The following SEMA4B variants were observed in gnomAD, a reference collection of about 807,000 sequenced individuals.
SEMA4B encodes the protein semaphorin-4B.
In SEMA4B, 55 loss-of-function variants were observed where a neutral mutation model predicts 88.1. The observed-to-expected ratio is 0.62, with a 90% CI of 0.50 to 0.78. The LOEUF (loss-of-function observed/expected upper bound fraction) is 0.78, where lower values mean the gene tolerates loss of function less well. Ranked by LOEUF, SEMA4B falls within the 30% of genes least tolerant of loss-of-function variation. SEMA4B has a pLI of 0.00. For missense variants in SEMA4B, 1,062 were observed against 1,111.9 expected, an observed-to-expected ratio of 0.96 and a Z score of 0.64; for synonymous variants, 525 against 473.6, an observed-to-expected ratio of 1.11 and a Z score of -1.41.
At chr15:90,216,634 A>C (rs1011194880) in intron 1 of SEMA4B, among the ~76,000 whole-genome samples, 1 of 152,186 alleles carries the variant, frequency 6.6e-6, no homozygotes, top group Admixed American at 6.5e-5. Flanking sequence ...ACTTGAGTTC[A>C]GGAGTTTGAG....
At chr15:90,193,545 T>G (rs1960409674) in intron 1 of SEMA4B, 1 of 152,204 alleles carries the variant, frequency 6.6e-6, no homozygotes, top group East Asian at 1.9e-4. Flanking sequence ...ATTGGAAGCA[T>G]TTGAGCAGGA....
chr15:90,215,547 C>A (rs554752506), intron 1 of SEMA4B, among the ~76,000 whole-genome samples: 1 of 152,220 alleles, frequency 6.6e-6, no homozygotes, highest in Non-Finnish European at 1.5e-5. Flanking sequence ...CGCAGTGGCC[C>A]ACACCTGTAA....
chr15:90,225,072 C>G lies in SEMA4B; in HGVS notation c.1299C>G (p.Val433=). 1 of 1,613,884 alleles carries G rather than the reference C, an allele frequency of 6.2e-7. No homozygotes were observed. Among genetic ancestry groups the G allele is most frequent in the East Asian group, 2.2e-5 (1 of 44,886 alleles). ...LKDHFLMDGQ[V]RSRMLLLQPQ... is the part of the protein sequence containing the mutation. Reference sequence around the variant, plus strand: ...ACCACTTCCTGATGGACGGGCAGGTCCGAAGCCGCATGCTGCTGCTGCAGC... The same window carrying G: ...ACCACTTCCTGATGGACGGGCAGGTGCGAAGCCGCATGCTGCTGCTGCAGC... Residue 433 remains valine, a synonymous_variant, in exon 10 of 14, where the codon GTC becomes GTG. Coordinates refer to ENST00000411539, the MANE Select transcript of SEMA4B (RefSeq NM_198925.4).
intron 1 of SEMA4B, among the ~76,000 whole-genome samples, chr15:90,215,817 A>C (rs906479557): frequency 2.0e-5 from 3 of 152,206 alleles, no homozygotes; most frequent in African/African-American, 7.2e-5. Flanking sequence ...GTCTCAAAAA[A>C]TAAATAAAAT....
chr15:90,218,671 C>G (rs1596148002), intron 3 of SEMA4B, among the ~76,000 whole-genome samples: 1 of 152,068 alleles, frequency 6.6e-6, no homozygotes, highest in Admixed American at 6.5e-5. Flanking sequence ...AAAACATTAG[C>G]CAGGCATGGT....
chr15:90,224,064 G>C (rs1962016846), intron 9 of SEMA4B, 76 bp downstream of exon 9: 2 of 1,435,380 alleles, frequency 1.4e-6, no homozygotes, highest in South Asian at 2.5e-5. Context: ...GAGCAAGGCT[G>C]CCTAGCCTCG....
At chr15:90,185,422 C>T (rs894039583) in intron 1 of SEMA4B, among the ~76,000 whole-genome samples, 1 of 152,220 alleles carries the variant, frequency 6.6e-6, no homozygotes, top group Non-Finnish European at 1.5e-5. Context: ...TGGGCCCCTG[C>T]GGAATGGTCG....
chr15:90,216,357 C>T (rs958329692), intron 1 of SEMA4B, among the ~76,000 whole-genome samples: 3 of 152,194 alleles, frequency 2.0e-5, no homozygotes, highest in African/African-American at 7.2e-5. Context: ...CATCTCCCTT[C>T]CATTCCTCCC....
At chr15:90,218,807 CTG>C (rs1372835466) in intron 3 of SEMA4B, among the ~76,000 whole-genome samples, 1 of 152,174 alleles carries the variant, frequency 6.6e-6, no homozygotes, top group Non-Finnish European at 1.5e-5. Flanking sequence ...CAGAATGAGA[CTG>C]TGTTTCAAAA....
chr15:90,228,160 CG>C lies in SEMA4B; in HGVS notation c.2035del (p.Val679TrpfsTer20). ...GCTACTGCCCAGAGGTGGTGGAGGA[CG>C]GGGTGGCAGACCAAACAGATGAGGG... ...ASYCPEVVED[G>X]VADQTDEGGS... is the part of the protein sequence containing the mutation. On this transcript the variant is annotated frameshift_variant, in exon 14 of 14. Coordinates refer to ENST00000411539, the MANE Select transcript of SEMA4B (RefSeq NM_198925.4). LOFTEE classifies it high-confidence loss of function. 1 of 1,610,368 alleles carries C rather than the reference CG, an allele frequency of 6.2e-7. No individual in the cohort carries two copies. Among genetic ancestry groups the C allele is most frequent in the South Asian group, 1.1e-5 (1 of 90,440 alleles).
chr15:90,225,000 C>G lies in SEMA4B; in HGVS notation c.1227C>G (p.Ile409Met). Residue 409 changes from isoleucine (I) to methionine (M), a missense_variant, in exon 10 of 14, where the codon ATC becomes ATG. Ile to Met is a conservative substitution (Grantham distance 10). Coordinates refer to ENST00000411539, the MANE Select transcript of SEMA4B (RefSeq NM_198925.4). ...CCAACAGTGCCCGGGAAAGGAAGAT[C>G]AACTCATCCCTGCAGCTCCCAGACC... ...CITNSARERK[I>M]NSSLQLPDRV... 6.2e-7 allele frequency: 1 copy of G among 1,613,982 alleles called. No individual in the cohort carries two copies.
chr15:90,225,423 G>A, intron 11 of SEMA4B, 26 bp downstream of exon 11: 1 of 1,544,772 alleles, frequency 6.5e-7, no homozygotes, highest in Non-Finnish European at 8.8e-7. Flanking sequence ...AGGAATCCTG[G>A]CAGGGTACTT....
intron 1 of SEMA4B, among the ~76,000 whole-genome samples, chr15:90,192,642 G>A (rs891484183): frequency 3.3e-4 from 44 of 134,286 alleles, no homozygotes; most frequent in African/African-American, 1.2e-3. Flanking sequence ...CCAGGCTGGA[G>A]TGCAGTGGCA....
At chr15:90,211,992 C>G (rs1308734367) in intron 1 of SEMA4B, among the ~76,000 whole-genome samples, 2 of 152,032 alleles carry the variant, frequency 1.3e-5, no homozygotes, top group Non-Finnish European at 2.9e-5. Context: ...GCTGGCTGGC[C>G]TGGGGTGGGG....
Position 90,223,924 on chromosome 15 carries a change from T to A in SEMA4B, c.1130T>A (p.Val377Glu). Residue 377 changes from valine (V) to glutamate (E), a missense_variant, in exon 9 of 14, where the codon GTG (valine) becomes GAG (glutamate). Val to Glu is a moderately radical substitution (Grantham distance 121). Coordinates refer to ENST00000411539, the MANE Select transcript of SEMA4B (RefSeq NM_198925.4). ...GTCTTCAGCGGCCTCTACAAGGAGG[T>A]GAACCGTGAGACACAGCAGTGGTAC... The part of the protein sequence containing the change: ...QRVFSGLYKE[V>E]NRETQQWYTV... 1 of 1,613,662 alleles carries A rather than the reference T, an allele frequency of 6.2e-7. No individual in the cohort carries two copies. Among genetic ancestry groups the A allele is most frequent in the Non-Finnish European group, 8.5e-7 (1 of 1,179,852 alleles).
Position 90,223,821 on chromosome 15 carries a change from G to A in SEMA4B, c.1044-17G>A. The A allele has an allele frequency of 3.1e-6, 5 of 1,613,456 alleles. No homozygotes were observed. The highest frequency in any genetic ancestry group is 4.2e-6 in the Non-Finnish European group (5 of 1,179,530). On this transcript the variant is annotated splice_polypyrimidine_tract_variant and intron_variant, in intron 8 of 13. Coordinates refer to ENST00000411539, the MANE Select transcript of SEMA4B (RefSeq NM_198925.4). The stretch of plus-strand genomic sequence containing the variant: ...GCCCCCAGGGCTCCTGGGTTAATCT[G>A]GTTATTTCCTCTGCAGGCACAGGGG...
chr15:90,224,906 G>C lies in SEMA4B; in HGVS notation c.1195-62G>C, dbSNP rs909678950. 4.3e-6 allele frequency: 6 copies of C among 1,397,996 alleles called. No individual in the cohort carries two copies. In the African/African-American group the frequency reaches 8.5e-5, roughly 20 times the overall value. The allele number at this position is 1,397,996 out of a possible 1,614,324, so 86.6% of individuals were successfully genotyped here. On this transcript the variant is annotated intron_variant, in intron 9 of 13. Transcript: ENST00000411539. ...CGCTACTGTCCACTGGGGAAGCAGG[G>C]CCCGCATCCTGCCTGCCACCCCGAG...
chr15:90,207,638 T>A (rs1961058895), intron 1 of SEMA4B, among the ~76,000 whole-genome samples: 1 of 152,244 alleles, frequency 6.6e-6, no homozygotes, highest in Admixed American at 6.5e-5. Flanking sequence ...AACCACATTC[T>A]TTCCATTAGA....
intron 1 of SEMA4B, among the ~76,000 whole-genome samples, chr15:90,186,936 AAATAAT>A (rs1459343213): frequency 6.6e-6 from 1 of 152,120 alleles, no homozygotes; most frequent in Non-Finnish European, 1.5e-5. Context: ...CCGTCTCAAA[AAATAAT>A]AATAATAAAA....
Sources: allele counts gnomAD v4.1 joint callset (sites outside exome capture counted in the v4.1 genomes callset), GRCh38; gene constraint gnomAD v4.1.1; transcripts MANE v1.5; gene names NCBI Gene and HGNC (gene_info 2026-07-23, HGNC 2026-07-21).